The following HPCAL1 variants were observed in gnomAD, a reference collection of about 807,000 sequenced individuals.
HPCAL1 encodes the protein hippocalcin-like protein 1.
In HPCAL1, 8 loss-of-function variants were observed where a neutral mutation model predicts 17.1. The observed-to-expected ratio is 0.47, with a 90% CI of 0.27 to 0.84. The LOEUF (loss-of-function observed/expected upper bound fraction) is 0.84, where lower values mean the gene tolerates loss of function less well. HPCAL1 is among the 40% of genes least tolerant of loss of function. HPCAL1 has a pLI of 0.13. For missense variants in HPCAL1, 165 were observed against 271.1 expected, an observed-to-expected ratio of 0.61 and a Z score of 2.75; for synonymous variants, 112 against 111.4, an observed-to-expected ratio of 1.01 and a Z score of -0.03.
chr2:10,392,799 A>G (rs976617461), intron 1 of HPCAL1, among the ~76,000 whole-genome samples: 4 of 152,198 alleles, frequency 2.6e-5, no homozygotes, highest in Non-Finnish European at 5.9e-5. Flanking sequence ...TCCCTCTGCC[A>G]TTCTCCAGAG....
chr2:10,402,044 C>T (rs1055849843), intron 2 of HPCAL1, among the ~76,000 whole-genome samples: 6 of 152,150 alleles, frequency 3.9e-5, no homozygotes, highest in East Asian at 1.9e-4. Context: ...GGATTACAGG[C>T]GCGCACCACC....
At chr2:10,418,282 T>TA (rs1670800361) in intron 2 of HPCAL1, among the ~76,000 whole-genome samples, 1 of 148,632 alleles carries the variant, frequency 6.7e-6, no homozygotes, top group African/African-American at 2.5e-5. Context: ...AATAAATAAA[T>TA]AAATAGCCAG....
chr2:10,349,328 G>T (rs1441490507), intron 1 of HPCAL1, among the ~76,000 whole-genome samples: 1 of 152,086 alleles, frequency 6.6e-6, no homozygotes, highest in Admixed American at 6.6e-5. Flanking sequence ...CTATTTGAGT[G>T]CTTGTAAGAA....
intron 2 of HPCAL1, among the ~76,000 whole-genome samples, chr2:10,400,314 C>T (rs932811840): frequency 3.9e-5 from 6 of 152,224 alleles, no homozygotes; most frequent in South Asian, 2.1e-4. Context: ...CCCCACCATA[C>T]GGCAGCCCTC....
At chr2:10,324,374 C>T (rs1267891934) in intron 1 of HPCAL1, 1 of 152,228 alleles carries the variant, frequency 6.6e-6, no homozygotes, top group East Asian at 1.9e-4. Flanking sequence ...TCTCTGGAGT[C>T]AGGTCTGGGG....
rs1410325525 is a variant in HPCAL1, at chr2:10,343,922, C to T, written c.-111+40745C>T. Reference sequence around the variant, plus strand: ...CAGTTCTGGAGTGAGGCTTGGGCCTCCATGCCTCCTGGGAGGCTGCACCTC... The same window carrying T: ...CAGTTCTGGAGTGAGGCTTGGGCCTTCATGCCTCCTGGGAGGCTGCACCTC... On this transcript the variant is annotated intron_variant, in intron 1 of 4. Coordinates refer to ENST00000307845, the MANE Select transcript of HPCAL1 (RefSeq NM_002149.4). The surrounding 1 kb of genome is among the most constrained non-coding windows in gnomAD (Gnocchi z 4.8). Among the ~76,000 whole-genome samples the T allele has an allele frequency of 6.6e-6, 1 of 152,152 alleles. No homozygotes were observed. The highest frequency in any genetic ancestry group is 6.5e-5 in the Admixed American group (1 of 15,284).
intron 4 of HPCAL1, 178 bp from the exon 5 acceptor site, chr2:10,426,546 A>C: frequency 1.6e-6 from 1 of 623,682 alleles, no homozygotes; most frequent in East Asian, 2.7e-5. Context: ...GAAAGGAAAA[A>C]GGATTTTTTT....
chr2:10,352,850 C>T (rs778616995), intron 1 of HPCAL1, among the ~76,000 whole-genome samples: 3 of 152,216 alleles, frequency 2.0e-5, no homozygotes, highest in Non-Finnish European at 4.4e-5. Flanking sequence ...AATGAAAAGA[C>T]TCTTCTAGTC....
Position 10,346,833 on chromosome 2 carries a change from C to G in HPCAL1, c.-111+43656C>G, listed in dbSNP as rs554400514. Reference sequence around the variant, plus strand: ...TGCTCCTCCACTGCTCCCTCCCCAGCACAGACAGGCCCTGGCTCCCTCCCC... The same window carrying G: ...TGCTCCTCCACTGCTCCCTCCCCAGGACAGACAGGCCCTGGCTCCCTCCCC... On this transcript the variant is annotated intron_variant, in intron 1 of 4. Transcript: ENST00000307845. 2.0e-5 allele frequency among the ~76,000 whole-genome samples: 3 copies of G among 152,048 alleles called. No homozygotes were observed. The South Asian group carries it at 6.2e-4, about 32-fold the overall frequency.
intron 1 of HPCAL1, among the ~76,000 whole-genome samples, chr2:10,360,699 G>A (rs182227657): frequency 2.0e-5 from 3 of 152,036 alleles, no homozygotes; most frequent in East Asian, 1.9e-4. Flanking sequence ...CCACCATGCC[G>A]CCCGGCCTTA....
chr2:10,364,006 G>A (rs1259501180), intron 1 of HPCAL1, among the ~76,000 whole-genome samples: 1 of 152,246 alleles, frequency 6.6e-6, no homozygotes, highest in East Asian at 1.9e-4. Context: ...GAAGGGCACT[G>A]GTCCCAGCTT....
chr2:10,413,955 A>C (rs1245701727), intron 2 of HPCAL1, among the ~76,000 whole-genome samples: 2 of 152,240 alleles, frequency 1.3e-5, no homozygotes, highest in East Asian at 3.9e-4. Flanking sequence ...GCCACTAGCC[A>C]ACAATGTGTC....
chr2:10,333,147 C>G (rs1664495077), intron 1 of HPCAL1, among the ~76,000 whole-genome samples: 2 of 152,168 alleles, frequency 1.3e-5, no homozygotes, highest in Admixed American at 1.3e-4. Context: ...GCCTCTTGGG[C>G]ATTGTAAATG....
intron 1 of HPCAL1, among the ~76,000 whole-genome samples, chr2:10,353,916 C>T (rs781261028): frequency 6.6e-5 from 10 of 152,194 alleles, no homozygotes; most frequent in East Asian, 1.9e-4. Flanking sequence ...TCATTGTGTC[C>T]GGCTGCCCTC....
chr2:10,340,621 C>T (rs1046679807), intron 1 of HPCAL1, among the ~76,000 whole-genome samples: 7 of 152,196 alleles, frequency 4.6e-5, no homozygotes, highest in East Asian at 1.9e-4. Flanking sequence ...AGTCTGTAAG[C>T]GGCAGAGCTG....
At chr2:10,426,597 C>T in intron 4 of HPCAL1, 127 bp from the exon 5 acceptor site, 1 of 759,722 alleles carries the variant, frequency 1.3e-6, no homozygotes, top group Non-Finnish European at 2.3e-6. Context: ...AGACACCGTC[C>T]AGCTTCAAGA....
chr2:10,385,715 C>G (rs1668264217), intron 1 of HPCAL1, among the ~76,000 whole-genome samples: 1 of 152,186 alleles, frequency 6.6e-6, no homozygotes, highest in African/African-American at 2.4e-5. Flanking sequence ...AACCCAGAGG[C>G]TGCTCATTTG....
intron 1 of HPCAL1, among the ~76,000 whole-genome samples, chr2:10,369,606 C>T (rs1355006264): frequency 3.9e-5 from 6 of 152,202 alleles, no homozygotes; most frequent in Non-Finnish European, 7.3e-5. Context: ...GCAAGGGCTC[C>T]AGGCAGAGGG....
intron 1 of HPCAL1, among the ~76,000 whole-genome samples, chr2:10,327,045 A>G (rs2014889): frequency 0.81 from 122,929 of 152,080 alleles, 50,300 homozygotes; most frequent in East Asian, 0.99. Context: ...AGCATGTTGA[A>G]GTGACCCTGA....
Sources: gnomAD v4.1 joint callset for allele counts (sites outside exome capture counted in the v4.1 genomes callset) on GRCh38, gnomAD v4.1.1 for gene constraint, Gnocchi (gnomAD v3.1) non-coding constraint, MANE v1.5 for transcripts, NCBI Gene and HGNC (gene_info 2026-07-23, HGNC 2026-07-21) for gene names.